Variants in CMTM4 observed in about 807,000 individuals in gnomAD.
CMTM4 encodes the protein CKLF-like MARVEL transmembrane domain-containing protein 4.
In CMTM4, 8 loss-of-function variants were observed where a neutral mutation model predicts 19.0. The ratio of observed to expected loss-of-function variants is 0.42; its 90% CI spans 0.25 to 0.76. The LOEUF (loss-of-function observed/expected upper bound fraction) is 0.76. Ranked by LOEUF, CMTM4 falls within the 30% of genes least tolerant of loss-of-function variation. The pLI, the probability that CMTM4 is intolerant of heterozygous loss-of-function variation, is 0.27. For missense variants in CMTM4, 228 were observed against 290.2 expected, an observed-to-expected ratio of 0.79 and a Z score of 1.56; for synonymous variants, 106 against 121.1, an observed-to-expected ratio of 0.88 and a Z score of 0.82.
chr16:66,626,589 G>C (rs1474116830), intron 2 of CMTM4, among the ~76,000 whole-genome samples: 1 of 151,974 alleles, frequency 6.6e-6, no homozygotes, highest in Non-Finnish European at 1.5e-5. Context: ...CTGGGCGACA[G>C]AGTGAGACTC....
rs549627117 is a variant in CMTM4, at chr16:66,683,146, T to C, written c.186+13194A>G. On this transcript the variant is annotated intron_variant, in intron 1 of 3. Coordinates refer to ENST00000394106, the MANE Select transcript of CMTM4 (RefSeq NM_181521.3). ...GTGTGTGTGTATATATATATATATA[T>C]GTATATATATATACGTATATATATA... 6.0e-3 allele frequency among the ~76,000 whole-genome samples: 747 copies of C among 123,474 alleles called. 4 individuals are homozygous for C. The highest frequency in any genetic ancestry group is 0.017 in the African/African-American group (542 of 31,804). 81.0% of individuals were successfully genotyped at this position (123,474 alleles called of 152,430 possible). A position where few individuals can be genotyped will look rare whatever the true frequency, so the allele number is the denominator to read the frequency against.
intron 1 of CMTM4, among the ~76,000 whole-genome samples, chr16:66,641,748 A>G (rs2016100351): frequency 1.3e-5 from 2 of 152,188 alleles, no homozygotes; most frequent in South Asian, 2.1e-4. Flanking sequence ...TCAAAATCCA[A>G]ACAAAAATAT....
chr16:66,665,768 ACT>A (rs942755947), intron 1 of CMTM4, among the ~76,000 whole-genome samples: 6 of 148,190 alleles, frequency 4.0e-5, no homozygotes, highest in African/African-American at 1.5e-4. Flanking sequence ...ACAGAGCGAG[ACT>A]CTGTCTCAGA....
the CMTM4 span, among the ~76,000 whole-genome samples, chr16:66,607,459 A>G: frequency 1.3e-5 from 2 of 152,234 alleles, no homozygotes; most frequent in Non-Finnish European, 2.9e-5. Context: ...TTAAAACTCC[A>G]AAAGATTTTT....
At chr16:66,669,591 G>C (rs926835969) in intron 1 of CMTM4, among the ~76,000 whole-genome samples, 7 of 152,044 alleles carry the variant, frequency 4.6e-5, no homozygotes, top group Admixed American at 3.9e-4. Flanking sequence ...ACCCAGGCTG[G>C]AGTGCAGTGG....
intron 1 of CMTM4, among the ~76,000 whole-genome samples, chr16:66,648,206 C>G (rs1170165669): frequency 1.3e-5 from 2 of 152,226 alleles, no homozygotes; most frequent in Admixed American, 6.5e-5. Context: ...CAGTGCCCAG[C>G]AAGCTCTGAA....
intron 1 of CMTM4, among the ~76,000 whole-genome samples, chr16:66,687,682 ATT>A (rs1176777153): frequency 5.8e-4 from 54 of 93,298 alleles, no homozygotes; most frequent in African/African-American, 1.3e-3. Flanking sequence ...AAAAAGGGTA[ATT>A]TTTTTTTTTT....
At chr16:66,632,902 G>A (rs2015902823) in intron 2 of CMTM4, among the ~76,000 whole-genome samples, 1 of 151,558 alleles carries the variant, frequency 6.6e-6, no homozygotes. Flanking sequence ...GACCAACATG[G>A]AGAAACCCCC....
chr16:66,683,201 A>G lies in CMTM4; in HGVS notation c.186+13139T>C, dbSNP rs1452794085. 1.5e-5 allele frequency among the ~76,000 whole-genome samples: 2 copies of G among 133,778 alleles called. 1 individual carries two copies. The highest frequency in any genetic ancestry group is 5.8e-5 in the African/African-American group (2 of 34,494). 87.8% of individuals were successfully genotyped at this position (133,778 alleles called of 152,430 possible). On this transcript the variant is annotated intron_variant, in intron 1 of 3. Coordinates refer to ENST00000394106, the MANE Select transcript of CMTM4 (RefSeq NM_181521.3). ...CATATGTATATATATATACATATAT[A>G]TATATATATAAATTTTCCCCATGGA...
the CMTM4 span, among the ~76,000 whole-genome samples, chr16:66,607,438 T>C: frequency 6.6e-6 from 1 of 152,248 alleles, no homozygotes; most frequent in Non-Finnish European, 1.5e-5. Context: ...TTATGAAAAT[T>C]TGCAAATACA....
downstream of CMTM4, chr16:66,609,774 A>C (rs181826390): frequency 8.0e-5 from 128 of 1,606,926 alleles, no homozygotes; most frequent in Admixed American, 1.7e-4. This position sits in a 1 kb window ranked among gnomAD's most constrained non-coding sequence, Gnocchi z 4.4. Flanking sequence ...TGTGCCTGAC[A>C]CTCGGGCTGT....
At chr16:66,692,120 T>G (rs2017146828) in intron 1 of CMTM4, among the ~76,000 whole-genome samples, 1 of 152,064 alleles carries the variant, frequency 6.6e-6, no homozygotes, top group African/African-American at 2.4e-5. Flanking sequence ...AGATGGAGTC[T>G]TGCTCTGTCA....
intron 1 of CMTM4, among the ~76,000 whole-genome samples, chr16:66,677,662 A>C (rs917852937): frequency 6.6e-6 from 1 of 152,136 alleles, no homozygotes; most frequent in African/African-American, 2.4e-5. Flanking sequence ...TTAAAGGCCA[A>C]GCTGAGGCCT....
chr16:66,598,424 C>A, the CMTM4 span, among the ~76,000 whole-genome samples: 1 of 152,158 alleles, frequency 6.6e-6, no homozygotes, highest in East Asian at 1.9e-4. Flanking sequence ...TTCTCGGTAC[C>A]CTTTTTGCAA....
chr16:66,617,427 CAAAA>C lies in CMTM4; in HGVS notation c.*4627_*4630del. 1 of 1,558,496 alleles carries C rather than the reference CAAAA, an allele frequency of 6.4e-7. No homozygotes were observed. On this transcript the variant is annotated 3_prime_UTR_variant, in exon 4 of 4. Coordinates refer to ENST00000394106, the MANE Select transcript of CMTM4 (RefSeq NM_181521.3). ...AAATGGAAAAAGAATATATTCCAGA[CAAAA>C]GAAGGGAAAATACAATAGGACCCAC...
chr16:66,602,807 A>C, the CMTM4 span, among the ~76,000 whole-genome samples: 1 of 152,112 alleles, frequency 6.6e-6, no homozygotes, highest in Non-Finnish European at 1.5e-5. Context: ...TCAGCCTCCC[A>C]AAATGCTGGA....
At chr16:66,687,849 G>C (rs934731037) in intron 1 of CMTM4, among the ~76,000 whole-genome samples, 1 of 151,856 alleles carries the variant, frequency 6.6e-6, no homozygotes, top group Admixed American at 6.6e-5. Context: ...CACCACACCC[G>C]GCTAATTTTT....
chr16:66,640,527 C>T (rs1196265178), intron 1 of CMTM4, among the ~76,000 whole-genome samples: 2 of 152,016 alleles, frequency 1.3e-5, no homozygotes, highest in Admixed American at 1.3e-4. Flanking sequence ...GTGAGGTATG[C>T]GGCTCTCACT....
At chr16:66,598,919 A>C in the CMTM4 span, among the ~76,000 whole-genome samples, 6 of 152,132 alleles carry the variant, frequency 3.9e-5, no homozygotes, top group Admixed American at 2.0e-4. Flanking sequence ...AGGATCCTTT[A>C]AACCCAACAG....
Sources: gnomAD v4.1 joint callset for allele counts (sites outside exome capture counted in the v4.1 genomes callset) on GRCh38, gnomAD v4.1.1 for gene constraint, Gnocchi (gnomAD v3.1) non-coding constraint, MANE v1.5 for transcripts, NCBI Gene and HGNC (gene_info 2026-07-23, HGNC 2026-07-21) for gene names.